Variants in DNAH3 observed in about 807,000 individuals in gnomAD.
DNAH3 encodes the protein dynein axonemal heavy chain 3.
A neutral mutation model predicts 432.5 loss-of-function variants in DNAH3; 332 were observed. That is an observed-to-expected ratio of 0.77 (90% CI 0.70 to 0.84). The LOEUF is 0.84. DNAH3 is among the 40% of genes least tolerant of loss of function. DNAH3 has a pLI of 0.00. For missense variants in DNAH3, 4,861 were observed against 5,114.0 expected (o/e 0.95, Z 1.51); for synonymous variants, 1,956 against 1,900.2 (o/e 1.03, Z -0.76).
intron 18 of DNAH3, among the ~76,000 whole-genome samples, chr16:21,093,347 T>C (rs1185200760): frequency 2.0e-5 from 3 of 152,192 alleles, no homozygotes; most frequent in Non-Finnish European, 4.4e-5. Context: ...AAAGGAAATA[T>C]TTATGTATAA....
At chr16:21,056,126 C>CA (rs150795294) in intron 27 of DNAH3, among the ~76,000 whole-genome samples, 1 of 152,052 alleles carries the variant, frequency 6.6e-6, no homozygotes, top group African/African-American at 2.4e-5. Context: ...CTCCCCACAT[C>CA]TCTCCTACCC....
intron 59 of DNAH3, among the ~76,000 whole-genome samples, chr16:20,938,687 A>C: frequency 6.8e-6 from 1 of 146,276 alleles, no homozygotes; most frequent in Non-Finnish European, 1.5e-5. Context: ...AAAAAAAAAA[A>C]GGGAAAGAAA....
At chr16:21,065,803 T>A (rs2090522506) in intron 24 of DNAH3, among the ~76,000 whole-genome samples, 1 of 151,034 alleles carries the variant, frequency 6.6e-6, no homozygotes, top group Non-Finnish European at 1.5e-5. Flanking sequence ...ATTGAATAAA[T>A]ACCAAAGATA....
chr16:21,052,276 G>A (rs912160657), intron 28 of DNAH3, among the ~76,000 whole-genome samples: 2 of 152,184 alleles, frequency 1.3e-5, no homozygotes, highest in Non-Finnish European at 2.9e-5. Context: ...ACAGGCGTGA[G>A]CCACCGTGCC....
rs753454820 is a variant in DNAH3, at chr16:21,042,154, G to A, written c.4511C>T (p.Ala1504Val). 3.4e-5 allele frequency: 55 copies of A among 1,612,320 alleles called. No homozygotes were observed. The highest frequency in any genetic ancestry group is 4.2e-5 in the Non-Finnish European group (49 of 1,179,456). ...GAATGTCTTTAGCTTCCGAATGATGGCTTGTTGGATGCTGAGGATCTGCTG... is the reference window on the plus strand; with the variant it reads ...GAATGTCTTTAGCTTCCGAATGATGACTTGTTGGATGCTGAGGATCTGCTG... Residue 1504 changes from alanine (A) to valine (V), a missense_variant, in exon 32 of 62, where the codon GCC becomes GTC. Transcript: ENST00000261383.
At position 21,069,601 on chromosome 16, in the gene DNAH3, A is replaced by AT. The variant is rs750973792; in HGVS notation, c.3202-8dup. The AT allele has an allele frequency of 2.5e-6, 4 of 1,609,154 alleles. No individual in the cohort carries two copies. Among genetic ancestry groups the AT allele is most frequent in the Non-Finnish European group, 3.4e-6 (4 of 1,177,574 alleles). ...TTAGCTTTTCTTCCCATTTCTGTGA[A>AT]TTTAGCATTTCATATCTGGATCATT... is the stretch of plus-strand genomic sequence containing the variant. On this transcript the variant is annotated splice_polypyrimidine_tract_variant and splice_region_variant and intron_variant, in intron 22 of 61. Transcript: ENST00000261383.
At chr16:21,126,470 C>T (rs1288048642) in intron 8 of DNAH3, among the ~76,000 whole-genome samples, 1 of 152,206 alleles carries the variant, frequency 6.6e-6, no homozygotes, top group Non-Finnish European at 1.5e-5. Flanking sequence ...AAGGGAATTT[C>T]TCTGGCTGTG....
chr16:20,937,529 CT>C (rs71377696), intron 59 of DNAH3, among the ~76,000 whole-genome samples: 120 of 121,298 alleles, frequency 9.9e-4, no homozygotes, highest in East Asian at 2.6e-3. Flanking sequence ...CAAAGTTGTT[CT>C]TTTTTTTTTT....
chr16:21,035,573 G>A (rs1041416719), intron 35 of DNAH3, among the ~76,000 whole-genome samples: 3 of 152,032 alleles, frequency 2.0e-5, no homozygotes, highest in African/African-American at 7.2e-5. Context: ...AAAACAAATA[G>A]TATAAAATAT....
intron 52 of DNAH3, among the ~76,000 whole-genome samples, chr16:20,968,550 A>AAT (rs1303314226): frequency 6.6e-6 from 1 of 152,132 alleles, no homozygotes; most frequent in Non-Finnish European, 1.5e-5. Flanking sequence ...AAGGAGAATG[A>AAT]ATATTCACCT....
exon 41 of DNAH3, chr16:21,019,654 G>A: frequency 6.2e-7 from 1 of 1,614,128 alleles, no homozygotes; most frequent in Non-Finnish European, 8.5e-7. Context: ...TTTTTGGTGA[G>A]TTTGACGCTT....
At chr16:21,037,680 A>C in intron 34 of DNAH3, 81 bp downstream of exon 34, 3 of 1,176,192 alleles carry the variant, frequency 2.6e-6, no homozygotes, top group Non-Finnish European at 3.7e-6. Context: ...GGAAGAGGGT[A>C]TGGGGAAGGC....
At chr16:20,961,233 T>C (rs2084802249) in intron 53 of DNAH3, among the ~76,000 whole-genome samples, 1 of 152,226 alleles carries the variant, frequency 6.6e-6, no homozygotes, top group East Asian at 1.9e-4. Context: ...CCTCAGAATG[T>C]AACTGTTCAG....
chr16:21,067,776 G>GGAGGGAGGGAGA (rs374291201), intron 23 of DNAH3, among the ~76,000 whole-genome samples: 1 of 40,880 alleles, frequency 2.4e-5, no homozygotes, highest in African/African-American at 1.2e-4. Flanking sequence ...GGGTGGGGAG[G>GGAGGGAGGGAGA]GAGAGAGAGA....
chr16:21,072,922 G>A (rs2090846744), intron 21 of DNAH3, among the ~76,000 whole-genome samples: 1 of 151,864 alleles, frequency 6.6e-6, no homozygotes, highest in Non-Finnish European at 1.5e-5. Context: ...GAGCTCAAGT[G>A]ATCCTCTCAC....
exon 50 of DNAH3, chr16:20,979,371 A>T (rs1163519124): frequency 6.2e-7 from 1 of 1,614,048 alleles, no homozygotes; most frequent in African/African-American, 1.3e-5. Flanking sequence ...CCTGTCAGGT[A>T]GCGGTTCCTC....
chr16:21,076,197 TTAAAA>T (rs1409141082), intron 20 of DNAH3, among the ~76,000 whole-genome samples: 2 of 152,098 alleles, frequency 1.3e-5, no homozygotes, highest in Non-Finnish European at 2.9e-5. Flanking sequence ...GGTAATTAAA[TTAAAA>T]TAAGTCATGA....
rs563420148 is a variant in DNAH3, at chr16:21,007,133, T to C, written c.6023-3926A>G. On this transcript the variant is annotated intron_variant, in intron 41 of 61. Coordinates refer to ENST00000261383, the Ensembl canonical transcript of DNAH3. The stretch of plus-strand genomic sequence containing the variant: ...TAGTTATTGTAAAGTAAGTATCTCA[T>C]TGTGGTTTTAATTTGCATTTCCCTG... Among the ~76,000 whole-genome samples the C allele has an allele frequency of 2.0e-5, 3 of 152,232 alleles. No homozygotes were observed. In the South Asian group the frequency reaches 6.2e-4, roughly 32 times the overall value.
chr16:21,086,997 G>A (rs201177275), exon 19 of DNAH3: 78 of 1,614,024 alleles, frequency 4.8e-5, no homozygotes, highest in Admixed American at 8.3e-5. Context: ...CAGTTTATAC[G>A]TTGTCCTCCA....
Sources: gnomAD v4.1 joint callset for allele counts (sites outside exome capture counted in the v4.1 genomes callset) on GRCh38, gnomAD v4.1.1 for gene constraint, MANE v1.5 for transcripts, NCBI Gene and HGNC (gene_info 2026-07-23, HGNC 2026-07-21) for gene names.